The following SLC7A9 variants were observed in gnomAD, a reference collection of about 807,000 sequenced individuals.
SLC7A9 encodes solute carrier family 7 member 9.
Under a neutral mutation model 54.1 loss-of-function variants are expected in SLC7A9, and 38 were observed. The ratio of observed to expected loss-of-function variants is 0.70; its 90% CI spans 0.54 to 0.92. The LOEUF is 0.92. SLC7A9 is among the 40% of genes least tolerant of loss of function. The pLI is 0.00. For synonymous variants in SLC7A9, 264 were observed against 258.9 expected (o/e 1.02, Z -0.19); for missense variants, 537 against 636.1 (o/e 0.84, Z 1.68).
intron 11 of SLC7A9, among the ~76,000 whole-genome samples, chr19:32,835,853 C>T (rs185594978): frequency 6.6e-6 from 1 of 151,812 alleles, no homozygotes; most frequent in Non-Finnish European, 1.5e-5. Flanking sequence ...ATTATATGTC[C>T]TGTCATCATT....
intron 9 of SLC7A9, 39 bp downstream of exon 9, chr19:32,858,401 C>T (rs1053305167): frequency 7.0e-7 from 1 of 1,432,578 alleles, no homozygotes; most frequent in African/African-American, 1.4e-5. Context: ...GCTTTCGCCG[C>T]CCCTGTCCAC....
chr19:32,865,596 G>A (rs1816957223), intron 2 of SLC7A9, among the ~76,000 whole-genome samples: 1 of 152,196 alleles, frequency 6.6e-6, no homozygotes, highest in African/African-American at 2.4e-5. Context: ...ATTCAGGGCT[G>A]GGGCCCTGCC....
intron 10 of SLC7A9, among the ~76,000 whole-genome samples, chr19:32,842,592 G>A (rs1968158319): frequency 6.8e-6 from 1 of 146,196 alleles, no homozygotes; most frequent in Non-Finnish European, 1.5e-5. Flanking sequence ...AAGTAACTGT[G>A]GGTTTTTTTG....
At chr19:32,869,358 A>C (rs942859238) in intron 1 of SLC7A9, among the ~76,000 whole-genome samples, 20 of 152,284 alleles carry the variant, frequency 1.3e-4, no homozygotes, top group African/African-American at 4.6e-4. Flanking sequence ...ACAGATCCAC[A>C]ATACAGGTAC....
At chr19:32,863,786 C>T (rs576513865) in intron 4 of SLC7A9, among the ~76,000 whole-genome samples, 3 of 152,316 alleles carry the variant, frequency 2.0e-5, no homozygotes, top group South Asian at 2.1e-4. Flanking sequence ...CCTCAGATGG[C>T]GAAAAATTAT....
rs938145853 is a variant in SLC7A9, at chr19:32,833,030, G to C, written c.1399+119C>G. 6.0e-6 allele frequency: 6 copies of C among 1,002,314 alleles called. No individual in the cohort carries two copies. In the African/African-American group the frequency reaches 9.5e-5, roughly 16 times the overall value. The allele number at this position is 1,002,314 out of a possible 1,614,324, so 62.1% of individuals were successfully genotyped here. On this transcript the variant is annotated intron_variant, in intron 12 of 12. Transcript: ENST00000023064. ...GCGTGGGCATGTGTCCTCCTGGGACGAGGGAGATCTGCCAGCAGGGTGAGA... is the reference window on the plus strand; with the variant it reads ...GCGTGGGCATGTGTCCTCCTGGGACCAGGGAGATCTGCCAGCAGGGTGAGA...
chr19:32,831,366 A>G (rs1967784573), intron 12 of SLC7A9: 1 of 152,194 alleles, frequency 6.6e-6, no homozygotes, highest in African/African-American at 2.4e-5. Flanking sequence ...GGCTTACCGC[A>G]AGCTCCGCCT....
chr19:32,868,283 A>T (rs111305748), intron 2 of SLC7A9, among the ~76,000 whole-genome samples, 165 bp downstream of exon 2: 1 of 151,910 alleles, frequency 6.6e-6, no homozygotes, highest in Non-Finnish European at 1.5e-5. Context: ...AGAGGGAAAG[A>T]GAAGTAAGTC....
At chr19:32,848,026 C>G (rs1421515202) in intron 9 of SLC7A9, among the ~76,000 whole-genome samples, 1 of 151,756 alleles carries the variant, frequency 6.6e-6, no homozygotes, top group Non-Finnish European at 1.5e-5. Context: ...TAAAAGAGCT[C>G]CTGAAGGAAG....
At chr19:32,856,473 C>T (rs1364599143) in intron 9 of SLC7A9, among the ~76,000 whole-genome samples, 1 of 152,154 alleles carries the variant, frequency 6.6e-6, no homozygotes, top group African/African-American at 2.4e-5. Flanking sequence ...GGATTACAGG[C>T]GTGAGCCACC....
intron 9 of SLC7A9, among the ~76,000 whole-genome samples, chr19:32,856,824 G>A (rs1201413753): frequency 1.3e-5 from 2 of 152,088 alleles, no homozygotes; most frequent in East Asian, 3.9e-4. Flanking sequence ...CAATCCTCCT[G>A]CCTCAGCCCA....
At chr19:32,834,490 C>A (rs1169173422) in intron 11 of SLC7A9, among the ~76,000 whole-genome samples, 1 of 151,862 alleles carries the variant, frequency 6.6e-6, no homozygotes, top group Non-Finnish European at 1.5e-5. Context: ...ATTAGCCGGG[C>A]GTGATGGCAG....
intron 9 of SLC7A9, among the ~76,000 whole-genome samples, chr19:32,857,551 T>C (rs948638111): frequency 6.6e-6 from 1 of 152,194 alleles, no homozygotes; most frequent in Non-Finnish European, 1.5e-5. Flanking sequence ...TAGCACTACA[T>C]GTATTTCGGT....
At chr19:32,844,433 A>AT (rs1331455980) in intron 9 of SLC7A9, among the ~76,000 whole-genome samples, 1 of 152,100 alleles carries the variant, frequency 6.6e-6, no homozygotes, top group Non-Finnish European at 1.5e-5. Context: ...GTCTAGCTGT[A>AT]ATTTTGTATC....
chr19:32,834,425 T>A (rs911439135), intron 11 of SLC7A9, among the ~76,000 whole-genome samples: 1 of 151,222 alleles, frequency 6.6e-6, no homozygotes, highest in African/African-American at 2.4e-5. Context: ...AGTCTAGGAG[T>A]TCAAGATCAG....
intron 12 of SLC7A9, chr19:32,832,886 G>A: frequency 2.3e-6 from 1 of 439,576 alleles, no homozygotes; most frequent in Non-Finnish European, 4.2e-6. Context: ...TTTAGCCTGG[G>A]CAACAGAGCA....
At chr19:32,859,800 CA>C (rs1347202556) in intron 8 of SLC7A9, 40 bp downstream of exon 8, 2 of 1,553,566 alleles carry the variant, frequency 1.3e-6, no homozygotes. Flanking sequence ...CCCCTTCCCA[CA>C]AGCCACAGCC....
At chr19:32,848,407 C>T (rs1467156038) in intron 9 of SLC7A9, among the ~76,000 whole-genome samples, 3 of 152,030 alleles carry the variant, frequency 2.0e-5, no homozygotes, top group Admixed American at 2.0e-4. Context: ...ATAAAACAGA[C>T]TTTAAACCAA....
At chr19:32,850,673 A>ACT (rs1968441944) in intron 9 of SLC7A9, among the ~76,000 whole-genome samples, 1 of 151,534 alleles carries the variant, frequency 6.6e-6, no homozygotes, top group Admixed American at 6.6e-5. Context: ...AATTGGAAAA[A>ACT]ACTAAAGTTC....
Sources: allele counts gnomAD v4.1 joint callset (sites outside exome capture counted in the v4.1 genomes callset), GRCh38; gene constraint gnomAD v4.1.1; transcripts MANE v1.5; gene names NCBI Gene and HGNC (gene_info 2026-07-23, HGNC 2026-07-21).